Variants in MPDZ observed in about 807,000 individuals in gnomAD.
MPDZ encodes the protein multiple PDZ domain crumbs cell polarity complex component, also known as multiple PDZ domain protein.
Under a neutral mutation model 239.1 loss-of-function variants are expected in MPDZ, and 234 were observed. The observed-to-expected ratio is 0.98, with a 90% CI of 0.88 to 1.09. The LOEUF (loss-of-function observed/expected upper bound fraction) is 1.09, where lower values mean the gene tolerates loss of function less well. Among genes scored for constraint, MPDZ ranks in the 50% least tolerant of loss-of-function variants. The pLI, the probability that MPDZ is intolerant of heterozygous loss-of-function variation, is 0.00. For synonymous variants in MPDZ, 1,048 were observed against 881.3 expected (o/e 1.19, Z -3.35); for missense variants, 3,175 against 2,510.0 (o/e 1.26, Z -5.66).
rs1455894835 is a variant in MPDZ at position 13,159,601 on chromosome 9, T to C, written c.3360-1491A>G. ...GACAAGAATTAGAACTTAGAAACAG[T>C]CCTTAAAATATTCAGTGACAGGCAG... On this transcript the variant is annotated intron_variant, in intron 23 of 46. Coordinates refer to ENST00000319217, the MANE Select transcript of MPDZ (RefSeq NM_001378778.1). 2.0e-5 allele frequency among the ~76,000 whole-genome samples: 3 copies of C among 151,992 alleles called. No individual in the cohort carries two copies. In the East Asian group the frequency reaches 5.8e-4, roughly 29 times the overall value.
intron 26 of MPDZ, among the ~76,000 whole-genome samples, chr9:13,144,024 C>T (rs900163611): frequency 6.6e-6 from 1 of 151,812 alleles, no homozygotes; most frequent in African/African-American, 2.4e-5. Flanking sequence ...TCACTGGCAA[C>T]CTTCATTATT....
chr9:13,179,939 A>C (rs1953053574), intron 19 of MPDZ, among the ~76,000 whole-genome samples: 1 of 152,146 alleles, frequency 6.6e-6, no homozygotes, highest in African/African-American at 2.4e-5. Context: ...CATTTAAAAA[A>C]TAGATTGCAA....
intron 7 of MPDZ, among the ~76,000 whole-genome samples, chr9:13,220,614 A>G (rs1383262143): frequency 2.0e-5 from 3 of 151,980 alleles, no homozygotes; most frequent in African/African-American, 7.2e-5. Context: ...AAATTTGCAT[A>G]CTATTATATT....
intron 22 of MPDZ, among the ~76,000 whole-genome samples, 189 bp downstream of exon 22, chr9:13,168,177 G>A (rs1251139232): frequency 6.6e-6 from 1 of 152,010 alleles, no homozygotes; most frequent in Non-Finnish European, 1.5e-5. Context: ...TTTTAATACT[G>A]ATATAGTCTC....
In MPDZ at chr9:13,219,780, A is replaced by T; in HGVS notation, c.877-12T>A. ...CATAAACGCCCATGCTGAGTAAAAC[A>T]ATATTGAATAATTAGACTATTATTA... On this transcript the variant is annotated splice_polypyrimidine_tract_variant and intron_variant, in intron 7 of 46. Transcript: ENST00000319217. 6.2e-7 allele frequency: 1 copy of T among 1,608,776 alleles called. No individual in the cohort carries two copies. Among genetic ancestry groups the T allele is most frequent in the African/African-American group, 1.3e-5 (1 of 74,840 alleles).
chr9:13,214,704 G>C (rs369456441), intron 10 of MPDZ, among the ~76,000 whole-genome samples: 1 of 151,996 alleles, frequency 6.6e-6, no homozygotes, highest in Non-Finnish European at 1.5e-5. Context: ...TTTAGACTCC[G>C]TATGTATTCC....
chr9:13,185,641 T>C (rs964631624), intron 18 of MPDZ, among the ~76,000 whole-genome samples: 1 of 152,124 alleles, frequency 6.6e-6, no homozygotes, highest in Non-Finnish European at 1.5e-5. Flanking sequence ...GTTATTGATA[T>C]AGCATTGTAC....
chr9:13,121,144 C>G (rs1027322048), intron 38 of MPDZ, among the ~76,000 whole-genome samples: 4 of 152,122 alleles, frequency 2.6e-5, no homozygotes, highest in African/African-American at 9.7e-5. Flanking sequence ...CCACCCGGGC[C>G]CCCTGCTTTA....
At chr9:13,153,912 A>G (rs949354253) in intron 24 of MPDZ, among the ~76,000 whole-genome samples, 1 of 152,178 alleles carries the variant, frequency 6.6e-6, no homozygotes, top group Non-Finnish European at 1.5e-5. Context: ...TGAGTAATAC[A>G]GAAAACATAA....
At chr9:13,164,882 G>A (rs149957387) in intron 22 of MPDZ, among the ~76,000 whole-genome samples, 78 of 152,144 alleles carry the variant, frequency 5.1e-4, no homozygotes, top group African/African-American at 1.1e-3. Context: ...CTTCCAAATC[G>A]CCAGCAAAAA....
Position 13,183,708 on chromosome 9 carries a change from C to T in MPDZ, c.2482-123G>A, listed in dbSNP as rs1025034171. Reference sequence around the variant, plus strand: ...TTTTATCTATTGTATTTTCTATATGCCCTCTTAACCCTCATCAGACACTGC... The same window carrying T: ...TTTTATCTATTGTATTTTCTATATGTCCTCTTAACCCTCATCAGACACTGC... On this transcript the variant is annotated intron_variant, in intron 18 of 46. Transcript: ENST00000319217. 4 of 864,006 alleles carry T rather than the reference C, an allele frequency of 4.6e-6. No individual in the cohort carries two copies. The African/African-American group carries it at 6.9e-5, about 15-fold the overall frequency. The allele number at this position is 864,006 out of a possible 1,614,324, so 53.5% of individuals were successfully genotyped here.
intron 27 of MPDZ, among the ~76,000 whole-genome samples, chr9:13,142,704 A>G (rs2132588041): frequency 6.6e-6 from 1 of 152,270 alleles, no homozygotes; most frequent in Admixed American, 6.5e-5. Context: ...AGTAATTCCT[A>G]TAGCAATAGA....
At chr9:13,209,322 T>C (rs1296911064) in intron 10 of MPDZ, among the ~76,000 whole-genome samples, 1 of 152,182 alleles carries the variant, frequency 6.6e-6, no homozygotes, top group East Asian at 1.9e-4. Flanking sequence ...AACTCCTGGC[T>C]ATCAGAGCAA....
At chr9:13,172,712 T>C (rs1227232711) in intron 21 of MPDZ, among the ~76,000 whole-genome samples, 1 of 152,082 alleles carries the variant, frequency 6.6e-6, no homozygotes, top group Non-Finnish European at 1.5e-5. Context: ...ACTAAAAAAA[T>C]GACAGGGCTC....
chr9:13,262,174 G>C (rs1008665082), intron 1 of MPDZ, among the ~76,000 whole-genome samples: 1 of 152,006 alleles, frequency 6.6e-6, no homozygotes, highest in African/African-American at 2.4e-5. Context: ...CCAAAAATCT[G>C]CATTCAGGCC....
chr9:13,247,997 C>T (rs921024843), intron 2 of MPDZ, among the ~76,000 whole-genome samples, 196 bp from the exon 3 acceptor site: 4 of 152,012 alleles, frequency 2.6e-5, no homozygotes, highest in Admixed American at 2.6e-4. Flanking sequence ...GAGACTGAGG[C>T]GGGCTGATCA....
In MPDZ at chr9:13,119,526, T is replaced by C; in HGVS notation, c.5355A>G (p.Gln1785=). The C allele has an allele frequency of 6.2e-7, 1 of 1,613,042 alleles. No individual in the cohort carries two copies. The highest frequency in any genetic ancestry group is 8.5e-7 in the Non-Finnish European group (1 of 1,179,464). Residue 1785 remains glutamine (Q), a synonymous_variant, in exon 39 of 47, where the codon CAA becomes CAG. Coordinates refer to ENST00000319217, the MANE Select transcript of MPDZ (RefSeq NM_001378778.1). ...VNGEDVRNAT[Q]EAVAALLKCS... Reference sequence around the variant, plus strand: ...CCTTTAGCAAAGCGGCAACCGCTTCTTGGGTGGCATTACGAACGTCTTCCC... The same window carrying C: ...CCTTTAGCAAAGCGGCAACCGCTTCCTGGGTGGCATTACGAACGTCTTCCC...
chr9:13,209,015 C>T (rs375892252), intron 10 of MPDZ, among the ~76,000 whole-genome samples: 3 of 152,126 alleles, frequency 2.0e-5, no homozygotes, highest in African/African-American at 7.2e-5. Flanking sequence ...GGAATTTCTA[C>T]TAGAAATGGT....
chr9:13,160,284 T>C (rs1288508275), intron 23 of MPDZ, among the ~76,000 whole-genome samples: 1 of 152,142 alleles, frequency 6.6e-6, no homozygotes, highest in Non-Finnish European at 1.5e-5. Flanking sequence ...TTACTTAACC[T>C]TTCTCTTGCA....
Sources: allele counts gnomAD v4.1 joint callset (sites outside exome capture counted in the v4.1 genomes callset), GRCh38; gene constraint gnomAD v4.1.1; transcripts MANE v1.5; gene names NCBI Gene and HGNC (gene_info 2026-07-23, HGNC 2026-07-21).